Variants in FBXO15 observed in about 807,000 individuals in gnomAD.
FBXO15 encodes the protein F-box only protein 15.
In FBXO15, 30 loss-of-function variants were observed where a neutral mutation model predicts 49.5. That is an observed-to-expected ratio of 0.61 (90% confidence interval 0.45 to 0.82). FBXO15 has a LOEUF of 0.82. Ranked by LOEUF, FBXO15 falls within the 40% of genes least tolerant of loss-of-function variation. FBXO15 has a pLI of 0.00. For synonymous variants in FBXO15, 250 were observed against 232.7 expected (o/e 1.07, Z -0.68); for missense variants, 591 against 631.5 (o/e 0.94, Z 0.69).
intron 8 of FBXO15, chr18:74,099,824 C>T (rs1448935171): frequency 6.6e-6 from 1 of 152,106 alleles, no homozygotes; most frequent in Non-Finnish European, 1.5e-5. Flanking sequence ...CAAAGGGGGA[C>T]ATTATGTAAT....
chr18:74,074,561 TC>T lies in FBXO15; in HGVS notation c.1264-832del, dbSNP rs555810647. On this transcript the variant is annotated intron_variant, in intron 9 of 9. Transcript: ENST00000419743. This position sits in a 1 kb window ranked among gnomAD's most constrained non-coding sequence, Gnocchi z 4.7. The stretch of plus-strand genomic sequence containing the variant: ...CACCCTGTCTTCTAACTGCCACCCT[TC>T]GTCTTCCAGCTGACTCACTGGATGA... Among the ~76,000 whole-genome samples, 206 of 152,304 alleles carry T rather than the reference TC, an allele frequency of 1.4e-3. No individual in the cohort carries two copies. The highest frequency in any genetic ancestry group is 4.8e-3 in the African/African-American group (200 of 41,566).
chr18:74,106,207 C>T (rs1459584197), intron 8 of FBXO15, among the ~76,000 whole-genome samples: 1 of 151,954 alleles, frequency 6.6e-6, no homozygotes. Context: ...AGGAGAAATA[C>T]TCAATCTAAA....
chr18:74,096,661 CA>C (rs1568162600), intron 8 of FBXO15, among the ~76,000 whole-genome samples: 1 of 148,728 alleles, frequency 6.7e-6, no homozygotes, highest in Non-Finnish European at 1.5e-5. Flanking sequence ...AAAAAAAACA[CA>C]AAAAACAAAC....
intron 8 of FBXO15, among the ~76,000 whole-genome samples, chr18:74,092,996 T>C (rs1420162350): frequency 1.3e-5 from 2 of 152,150 alleles, no homozygotes; most frequent in East Asian, 1.9e-4. Flanking sequence ...CACAGCTGTG[T>C]TGGCACAGGG....
intron 9 of FBXO15, among the ~76,000 whole-genome samples, chr18:74,077,201 A>G (rs880811): frequency 0.26 from 40,170 of 152,146 alleles, 7,811 homozygotes; most frequent in African/African-American, 0.54. Flanking sequence ...CTGAAGCTCA[A>G]CCACTATGTG....
In FBXO15 at chr18:74,082,023, G is replaced by T. The variant is rs939791193; in HGVS notation, c.1167C>A (p.Leu389=). The T allele has an allele frequency of 5.0e-6, 8 of 1,611,950 alleles. No individual in the cohort carries two copies. The highest frequency in any genetic ancestry group is 6.8e-6 in the Non-Finnish European group (8 of 1,179,172). ...RGNIENGHVK[L]IVIHLKNNRE... ...TGTTATTTTTTAAATGTATAACAAT[G>T]AGCTTCACATGTCCATTTTCAATAT... is the stretch of plus-strand genomic sequence containing the variant. The change falls in exon 9 of 10, where the codon CTC becomes CTA. Residue 389 remains leucine, a synonymous_variant. Transcript: ENST00000419743.
intron 5 of FBXO15, among the ~76,000 whole-genome samples, chr18:74,128,144 T>G (rs1307556076): frequency 6.6e-6 from 1 of 152,010 alleles, no homozygotes; most frequent in Non-Finnish European, 1.5e-5. Context: ...TTAGGAAAAA[T>G]AATTCATTTT....
chr18:74,137,077 T>C (rs990229866), intron 2 of FBXO15, among the ~76,000 whole-genome samples: 1 of 152,236 alleles, frequency 6.6e-6, no homozygotes, highest in Non-Finnish European at 1.5e-5. Context: ...GTTATGCCTG[T>C]TGGATATGCA....
At chr18:74,125,622 G>A (rs1200522567) in intron 6 of FBXO15, among the ~76,000 whole-genome samples, 1 of 152,188 alleles carries the variant, frequency 6.6e-6, no homozygotes, top group Non-Finnish European at 1.5e-5. Flanking sequence ...CAGAGAAAGA[G>A]CATGAAAGGA....
intron 9 of FBXO15, 151 bp downstream of exon 9, chr18:74,081,776 T>G (rs1037506537): frequency 1.8e-6 from 1 of 567,604 alleles, no homozygotes. Context: ...GCTAACAGAA[T>G]GTGCACCAAC....
At chr18:74,101,596 C>T (rs182011306) in intron 8 of FBXO15, among the ~76,000 whole-genome samples, 1 of 151,952 alleles carries the variant, frequency 6.6e-6, no homozygotes, top group East Asian at 1.9e-4. Context: ...TAATTCTTCA[C>T]AAAACTAGAA....
chr18:74,121,888 T>C (rs1481935945), intron 8 of FBXO15, among the ~76,000 whole-genome samples: 6 of 152,076 alleles, frequency 3.9e-5, no homozygotes, highest in Non-Finnish European at 7.4e-5. Context: ...AATGCTTGAG[T>C]TTGCAAGATG....
chr18:74,078,538 C>T (rs1228441747), intron 9 of FBXO15: 2 of 152,686 alleles, frequency 1.3e-5, no homozygotes, highest in South Asian at 2.1e-4. Flanking sequence ...CCATCCTGTC[C>T]GAAGCATCTC....
In FBXO15 at chr18:74,082,120, C is replaced by A; in HGVS notation, c.1139-69G>T. ...AGATGACAAACCAAGCACGTTCAGT[C>A]GGCGACTTTATAAGGATACCTCACC... On this transcript the variant is annotated intron_variant, in intron 8 of 9. Transcript: ENST00000419743. 4 of 1,555,222 alleles carry A rather than the reference C, an allele frequency of 2.6e-6. No individual in the cohort carries two copies. In the South Asian group the frequency reaches 4.7e-5, roughly 18 times the overall value.
intron 4 of FBXO15, among the ~76,000 whole-genome samples, 175 bp from the exon 5 acceptor site, chr18:74,129,789 T>G (rs2145202364): frequency 6.6e-6 from 1 of 152,314 alleles, no homozygotes; most frequent in East Asian, 1.9e-4. Flanking sequence ...TTAGACTTTT[T>G]CTCCTCACCT....
intron 1 of FBXO15, chr18:74,146,948 TATCCC>T (rs1440627550): frequency 6.6e-6 from 1 of 152,200 alleles, no homozygotes; most frequent in Non-Finnish European, 1.5e-5. Context: ...TTCTTGGCAT[TATCCC>T]TCCATCTGTA....
At chr18:74,147,583 G>C in intron 1 of FBXO15, 87 bp downstream of exon 1, 1 of 1,318,714 alleles carries the variant, frequency 7.6e-7, no homozygotes, top group Non-Finnish European at 9.7e-7. Context: ...CGCCAAGCTG[G>C]ACGAATAAAA....
chr18:74,125,222 T>C (rs1402926338), intron 6 of FBXO15, among the ~76,000 whole-genome samples: 1 of 152,102 alleles, frequency 6.6e-6, no homozygotes, highest in Non-Finnish European at 1.5e-5. Flanking sequence ...CCAACAAAGC[T>C]GGATGCATGC....
intron 8 of FBXO15, among the ~76,000 whole-genome samples, chr18:74,115,980 A>C (rs1308326456): frequency 6.6e-6 from 1 of 152,062 alleles, no homozygotes; most frequent in Non-Finnish European, 1.5e-5. Context: ...CTCTCAATTC[A>C]TTTTCAAAAC....
Sources: gnomAD v4.1 joint callset for allele counts (sites outside exome capture counted in the v4.1 genomes callset) on GRCh38, gnomAD v4.1.1 for gene constraint, Gnocchi (gnomAD v3.1) non-coding constraint, MANE v1.5 for transcripts, NCBI Gene and HGNC (gene_info 2026-07-23, HGNC 2026-07-21) for gene names.